Variants in COLEC11 observed in about 807,000 individuals in gnomAD.
The protein encoded by COLEC11 is collectin-11.
Under a neutral mutation model 27.3 loss-of-function variants are expected in COLEC11, and 20 were observed. That is an observed-to-expected ratio of 0.73 (90% CI 0.51 to 1.06). The LOEUF (loss-of-function observed/expected upper bound fraction) is 1.06, where lower values mean the gene tolerates loss of function less well. Ranked by LOEUF, COLEC11 falls within the 50% of genes least tolerant of loss-of-function variation. The pLI, the probability that COLEC11 is intolerant of heterozygous loss-of-function variation, is 0.00. For synonymous variants in COLEC11, 163 were observed against 154.7 expected, an observed-to-expected ratio of 1.05 and a Z score of -0.40; for missense variants, 310 against 383.0, an observed-to-expected ratio of 0.81 and a Z score of 1.59.
intron 2 of COLEC11, among the ~76,000 whole-genome samples, chr2:3,607,722 T>A (rs1330778513): frequency 1.3e-5 from 2 of 152,238 alleles, no homozygotes; most frequent in East Asian, 3.8e-4. Context: ...GTGCTGGGAT[T>A]ACAGGTGTGA....
In COLEC11 at chr2:3,602,880, T is replaced by C. The variant is rs1301969857; in HGVS notation, c.-26-1435T>C. On this transcript the variant is annotated intron_variant, in intron 1 of 6. Transcript: ENST00000349077. This position sits in a 1 kb window ranked among gnomAD's most constrained non-coding sequence, Gnocchi z 6.2. The stretch of plus-strand genomic sequence containing the variant: ...GCAGCATGTGTCCCGGCCACTGGAC[T>C]CTGCCTCACTCTTCCCCACGGCGCT... 3.3e-5 allele frequency among the ~76,000 whole-genome samples: 5 copies of C among 152,230 alleles called. No individual in the cohort carries two copies. Among genetic ancestry groups the C allele is most frequent in the Non-Finnish European group, 7.3e-5 (5 of 68,044 alleles).
At chr2:3,637,851 G>A (rs1166889050) in intron 4 of COLEC11, among the ~76,000 whole-genome samples, 1 of 152,194 alleles carries the variant, frequency 6.6e-6, no homozygotes, top group Non-Finnish European at 1.5e-5. Flanking sequence ...GCCCCAGGAT[G>A]GAGGGGCTGC....
intron 3 of COLEC11, among the ~76,000 whole-genome samples, chr2:3,630,243 G>A (rs939529063): frequency 6.6e-6 from 1 of 152,156 alleles, no homozygotes; most frequent in South Asian, 2.1e-4. Flanking sequence ...AGGGTAGTAC[G>A]TATGTGTATG....
chr2:3,642,514 C>T (rs551111087), intron 5 of COLEC11, among the ~76,000 whole-genome samples: 1 of 152,300 alleles, frequency 6.6e-6, no homozygotes, highest in East Asian at 1.9e-4. Flanking sequence ...TTCATCCCTC[C>T]CTCCCTATCA....
At chr2:3,613,523 G>A (rs1487613503) in intron 3 of COLEC11, 141 bp downstream of exon 3, 1 of 815,940 alleles carries the variant, frequency 1.2e-6, no homozygotes, top group Non-Finnish European at 2.0e-6. Flanking sequence ...GACGGCATGG[G>A]ACTTGGGTCG....
intron 3 of COLEC11, among the ~76,000 whole-genome samples, chr2:3,628,657 C>T (rs1311590410): frequency 1.3e-5 from 2 of 152,236 alleles, no homozygotes; most frequent in Non-Finnish European, 2.9e-5. Flanking sequence ...GTTGGATGGC[C>T]TATTCTGAGA....
At chr2:3,613,001 C>T (rs553169649) in intron 2 of COLEC11, among the ~76,000 whole-genome samples, 72 of 152,228 alleles carry the variant, frequency 4.7e-4, no homozygotes, top group African/African-American at 1.6e-3. Flanking sequence ...TGGGGAGAGC[C>T]GGCGTTTAGA....
At chr2:3,600,969 TC>T (rs1382581778) in intron 1 of COLEC11, among the ~76,000 whole-genome samples, 1 of 152,176 alleles carries the variant, frequency 6.6e-6, no homozygotes, top group Admixed American at 6.5e-5. Context: ...CGGGGCGGGC[TC>T]CCATCCACGC....
chr2:3,607,966 G>T (rs1207900579), intron 2 of COLEC11, among the ~76,000 whole-genome samples: 1 of 152,208 alleles, frequency 6.6e-6, no homozygotes. Context: ...CGTGGCACTT[G>T]TTGTGGCCAG....
At chr2:3,612,146 G>A (rs1663243701) in intron 2 of COLEC11, among the ~76,000 whole-genome samples, 1 of 152,076 alleles carries the variant, frequency 6.6e-6, no homozygotes, top group South Asian at 2.1e-4. Flanking sequence ...GTGCAGAGAG[G>A]GAAGGTGAAC....
At chr2:3,609,698 T>A (rs1412462071) in intron 2 of COLEC11, among the ~76,000 whole-genome samples, 1 of 152,124 alleles carries the variant, frequency 6.6e-6, no homozygotes, top group Non-Finnish European at 1.5e-5. Context: ...CCTGGCTAAT[T>A]TTTGTATTTT....
Position 3,595,151 on chromosome 2 carries a change from C to T in COLEC11, c.-44C>T. ...CCAGCGACGGGCAGGACGCCCCGTT[C>T]GCCTAGCGCGTGCTCAGGTAGGAGA... On this transcript the variant is annotated 5_prime_UTR_variant, in exon 1 of 7. Transcript: ENST00000349077. 1 of 346,232 alleles carries T rather than the reference C, an allele frequency of 2.9e-6. No individual in the cohort carries two copies. Among genetic ancestry groups the T allele is most frequent in the Non-Finnish European group, 5.8e-6 (1 of 171,488 alleles). 21.4% of individuals were successfully genotyped at this position (346,232 alleles called of 1,614,324 possible). A position where few individuals can be genotyped will look rare whatever the true frequency, so the allele number is the denominator to read the frequency against.
chr2:3,635,373 C>T (rs1451991396), intron 3 of COLEC11, among the ~76,000 whole-genome samples: 2 of 152,150 alleles, frequency 1.3e-5, no homozygotes, highest in Non-Finnish European at 2.9e-5. Context: ...TGCCCTTGGT[C>T]TCCTTTTGCG....
chr2:3,595,142 C>T lies in COLEC11; in HGVS notation c.-53C>T, dbSNP rs771935513. 6.0e-5 allele frequency: 21 copies of T among 348,664 alleles called. No individual in the cohort carries two copies. The highest frequency in any genetic ancestry group is 1.2e-4 in the Non-Finnish European group (20 of 173,252). 21.6% of individuals were successfully genotyped at this position (348,664 alleles called of 1,614,324 possible). A position where few individuals can be genotyped will look rare whatever the true frequency, so the allele number is the denominator to read the frequency against. Reference sequence around the variant, plus strand: ...CCTCGCGGGCCAGCGACGGGCAGGACGCCCCGTTCGCCTAGCGCGTGCTCA... The same window carrying T: ...CCTCGCGGGCCAGCGACGGGCAGGATGCCCCGTTCGCCTAGCGCGTGCTCA... On this transcript the variant is annotated 5_prime_UTR_variant, in exon 1 of 7. In the 5' UTR this introduces an upstream ATG that the reference lacks. Transcript: ENST00000349077.
Position 3,602,041 on chromosome 2 carries a change from A to C in COLEC11, c.-26-2274A>C, listed in dbSNP as rs1455333281. The C allele has an allele frequency of 6.6e-6, 1 of 152,300 alleles. No individual in the cohort carries two copies. The highest frequency in any genetic ancestry group is 1.5e-5 in the Non-Finnish European group (1 of 68,096). 9.4% of individuals were successfully genotyped at this position (152,300 alleles called of 1,614,324 possible). ...TGGCAAAGGTGGGCTCTCGCCAGCC[A>C]GAGGCGGGGTCTCTGTAGACTCCAT... On this transcript the variant is annotated intron_variant, in intron 1 of 6. Transcript: ENST00000349077. The surrounding 1 kb of genome is among the most constrained non-coding windows in gnomAD (Gnocchi z 6.2).
At chr2:3,615,786 G>A (rs1663637930) in intron 3 of COLEC11, among the ~76,000 whole-genome samples, 1 of 149,676 alleles carries the variant, frequency 6.7e-6, no homozygotes, top group Non-Finnish European at 1.5e-5. Flanking sequence ...CTCCCAGATG[G>A]GGCGGCTGGC....
chr2:3,629,506 A>G (rs1345838357), intron 3 of COLEC11, among the ~76,000 whole-genome samples: 1 of 152,248 alleles, frequency 6.6e-6, no homozygotes, highest in Non-Finnish European at 1.5e-5. Flanking sequence ...ACACACGTGC[A>G]CATAGATGTA....
intron 1 of COLEC11, among the ~76,000 whole-genome samples, chr2:3,600,569 G>C (rs1334205034): frequency 6.6e-6 from 1 of 152,146 alleles, no homozygotes; most frequent in East Asian, 1.9e-4. Flanking sequence ...ACAGAATATG[G>C]TTTAAGAACG....
intron 3 of COLEC11, among the ~76,000 whole-genome samples, 154 bp downstream of exon 3, chr2:3,613,536 A>G (rs530949298): frequency 1.4e-4 from 22 of 152,050 alleles, no homozygotes; most frequent in Non-Finnish European, 1.0e-4. Flanking sequence ...TTGGGTCGGG[A>G]GCAGGGAGGG....
Sources: gnomAD v4.1 joint callset for allele counts (sites outside exome capture counted in the v4.1 genomes callset) on GRCh38, gnomAD v4.1.1 for gene constraint, Gnocchi (gnomAD v3.1) non-coding constraint, MANE v1.5 for transcripts, NCBI Gene and HGNC (gene_info 2026-07-23, HGNC 2026-07-21) for gene names.